The following SMPD3 variants were observed in gnomAD, a reference collection of about 807,000 sequenced individuals.
SMPD3 encodes the protein sphingomyelin phosphodiesterase 3.
A neutral mutation model predicts 55.7 loss-of-function variants in SMPD3; 21 were observed. The ratio of observed to expected loss-of-function variants is 0.38; its 90% CI spans 0.27 to 0.54. The LOEUF (loss-of-function observed/expected upper bound fraction) is 0.54. SMPD3 is among the 20% of genes least tolerant of loss of function. SMPD3 has a pLI of 0.80. For synonymous variants in SMPD3, 457 were observed against 404.3 expected, an observed-to-expected ratio of 1.13 and a Z score of -1.56; for missense variants, 842 against 899.6, an observed-to-expected ratio of 0.94 and a Z score of 0.82.
At position 68,361,606 on chromosome 16, in the gene SMPD3, C is replaced by T. The variant is rs1395038808; in HGVS notation, c.1863G>A (p.Lys621=). Residue 621 remains lysine, a synonymous_variant, in exon 8 of 9, where the codon AAG becomes AAA. Transcript: ENST00000219334. ...CTGCTGGGCCCTCCTGACTCACGGC[C>T]TTCCAGTCTGGGCACAGCCCCTCCT... is the stretch of plus-strand genomic sequence containing the variant. ...HAEEGLCPDW[K]AEVEEFSFIT... is the part of the protein sequence containing the mutation. The T allele has an allele frequency of 1.2e-6, 2 of 1,607,526 alleles. No homozygotes were observed. Among genetic ancestry groups the T allele is most frequent in the African/African-American group, 1.3e-5 (1 of 74,938 alleles).
chr16:68,423,582 T>C (rs1409543059), intron 1 of SMPD3, among the ~76,000 whole-genome samples: 2 of 152,176 alleles, frequency 1.3e-5, no homozygotes, highest in African/African-American at 4.8e-5. Flanking sequence ...AAGAAATACA[T>C]TTCTTGTCTT....
In SMPD3 at chr16:68,371,991, G is replaced by C. The variant is rs141462179; in HGVS notation, c.191C>G (p.Thr64Arg). 6.2e-7 allele frequency: 1 copy of C among 1,611,862 alleles called. No individual in the cohort carries two copies. The highest frequency in any genetic ancestry group is 8.5e-7 in the Non-Finnish European group (1 of 1,179,410). Reference sequence around the variant, plus strand: ...CACCAGGAGGGCCAGGTAGATGGGCGTGAAGAGGGCAGTGCAGAGCAGCTG... The same window carrying C: ...CACCAGGAGGGCCAGGTAGATGGGCCTGAAGAGGGCAGTGCAGAGCAGCTG... The part of the protein sequence containing the change: ...CLQLLCTALF[T>R]PIYLALLVAS... Residue 64 changes from threonine (T) to arginine (R), a missense_variant, in exon 3 of 9, where the codon ACG becomes AGG. Coordinates refer to ENST00000219334, the MANE Select transcript of SMPD3 (RefSeq NM_018667.4).
In SMPD3 at chr16:68,447,990, C is replaced by T. The variant is rs2090623587; in HGVS notation, c.-269+363G>A. The stretch of plus-strand genomic sequence containing the variant: ...AGTGTTGCGGGGAGGGGTCCCCCTG[C>T]CTCGAGTCCCTTCATCCCACAACAC... On this transcript the variant is annotated intron_variant, in intron 1 of 8. Coordinates refer to ENST00000219334, the MANE Select transcript of SMPD3 (RefSeq NM_018667.4). This position sits in a 1 kb window ranked among gnomAD's most constrained non-coding sequence, Gnocchi z 5.1. Among the ~76,000 whole-genome samples the T allele has an allele frequency of 1.3e-5, 2 of 152,172 alleles. No homozygotes were observed. The highest frequency in any genetic ancestry group is 4.1e-4 in the South Asian group (2 of 4,826).
chr16:68,395,832 T>A (rs1323530667), intron 1 of SMPD3, among the ~76,000 whole-genome samples: 2 of 152,250 alleles, frequency 1.3e-5, no homozygotes, highest in African/African-American at 2.4e-5. Context: ...CTCTTTTTTT[T>A]AAATTAAAAA....
intron 2 of SMPD3, among the ~76,000 whole-genome samples, chr16:68,385,428 C>T (rs965516956): frequency 9.2e-5 from 14 of 152,180 alleles, no homozygotes; most frequent in African/African-American, 1.4e-4. Flanking sequence ...AAGACCTTTG[C>T]CTCTTTTTTC....
At chr16:68,364,510 G>C (rs1484609787) in intron 5 of SMPD3, 1 of 518,222 alleles carries the variant, frequency 1.9e-6, no homozygotes, top group Non-Finnish European at 3.4e-6. Flanking sequence ...GAGGCCCCCA[G>C]CCTTCCTTGT....
At chr16:68,406,052 G>A (rs756460090) in intron 1 of SMPD3, among the ~76,000 whole-genome samples, 1 of 152,144 alleles carries the variant, frequency 6.6e-6, no homozygotes, top group Non-Finnish European at 1.5e-5. Flanking sequence ...ACAGCAGGGC[G>A]GGCAGTTGAA....
chr16:68,412,709 G>A (rs1052125853), intron 1 of SMPD3, among the ~76,000 whole-genome samples: 5 of 152,208 alleles, frequency 3.3e-5, no homozygotes, highest in East Asian at 1.9e-4. Context: ...AGCCTGGAAA[G>A]CCTGCCAATT....
At chr16:68,363,676 C>T (rs2089386202) in intron 6 of SMPD3, 101 bp downstream of exon 6, 2 of 1,448,536 alleles carry the variant, frequency 1.4e-6, no homozygotes, top group East Asian at 2.3e-5. Flanking sequence ...TGAATGGGGC[C>T]CTTCCCCAGC....
At chr16:68,398,769 T>G (rs772595255) in intron 1 of SMPD3, among the ~76,000 whole-genome samples, 2 of 152,214 alleles carry the variant, frequency 1.3e-5, no homozygotes, top group African/African-American at 4.8e-5. Context: ...AAAAGCCACC[T>G]AGGAATGAGA....
intron 2 of SMPD3, chr16:68,382,037 A>G (rs1262490406): frequency 6.6e-6 from 1 of 152,234 alleles, no homozygotes; most frequent in Non-Finnish European, 1.5e-5. Context: ...AAAAAAGTCC[A>G]TTCCTACCTG....
At chr16:68,383,792 C>A (rs138722682) in intron 2 of SMPD3, among the ~76,000 whole-genome samples, 29 of 152,320 alleles carry the variant, frequency 1.9e-4, no homozygotes, top group South Asian at 1.9e-3. Context: ...TCCTCCTCCC[C>A]CCACTTCCCC....
At chr16:68,409,235 C>T (rs994905880) in intron 1 of SMPD3, among the ~76,000 whole-genome samples, 1 of 152,226 alleles carries the variant, frequency 6.6e-6, no homozygotes, top group African/African-American at 2.4e-5. Flanking sequence ...AAACCTTGCC[C>T]GGAGGGCTCA....
At chr16:68,386,244 T>C (rs548444467) in intron 2 of SMPD3, among the ~76,000 whole-genome samples, 116 of 152,214 alleles carry the variant, frequency 7.6e-4, no homozygotes, top group Non-Finnish European at 1.4e-3. Context: ...TTTGATAGTT[T>C]AGTGGGCAGT....
At chr16:68,365,964 G>T (rs1200191939) in intron 3 of SMPD3, among the ~76,000 whole-genome samples, 1 of 152,202 alleles carries the variant, frequency 6.6e-6, no homozygotes, top group East Asian at 1.9e-4. Context: ...CCACAGAGAT[G>T]CCCTGCACAG....
chr16:68,421,158 G>A (rs200569098), intron 1 of SMPD3, among the ~76,000 whole-genome samples: 379 of 152,222 alleles, frequency 2.5e-3, no homozygotes, highest in Middle Eastern at 0.01. Context: ...CCAGCATGTC[G>A]GCACCAACTG....
intron 6 of SMPD3, 100 bp from the exon 7 acceptor site, chr16:68,363,659 G>A (rs1158235479): frequency 1.4e-6 from 2 of 1,454,666 alleles, no homozygotes; most frequent in Non-Finnish European, 1.9e-6. Context: ...TGCTAGCCAG[G>A]GGCAGCTGAA....
In SMPD3 at chr16:68,363,509, C is replaced by T. The variant is rs1254545318; in HGVS notation, c.1696G>A (p.Asp566Asn). Reference sequence around the variant, plus strand: ...CGCAGTGCTTACTTCTGCAGGTTGTCGGGGGTGCACACATCCTCATCGTAC... The same window carrying T: ...CGCAGTGCTTACTTCTGCAGGTTGTTGGGGGTGCACACATCCTCATCGTAC... ...GLYDEDVCTP[D>N]NLQKVLESEE... The change falls in exon 7 of 9, where the codon GAC becomes AAC. Residue 566 changes from aspartate to asparagine, a missense_variant. Physicochemically the swap from Asp to Asn is conservative, Grantham distance 23 (BLOSUM62 1). Coordinates refer to ENST00000219334, the MANE Select transcript of SMPD3 (RefSeq NM_018667.4). 6 of 1,613,994 alleles carry T rather than the reference C, an allele frequency of 3.7e-6. No homozygotes were observed. Among genetic ancestry groups the T allele is most frequent in the East Asian group, 2.2e-5 (1 of 44,884 alleles).
chr16:68,425,840 G>A (rs1255776099), intron 1 of SMPD3, among the ~76,000 whole-genome samples: 2 of 152,124 alleles, frequency 1.3e-5, no homozygotes, highest in Non-Finnish European at 2.9e-5. Context: ...CCACCCAGAA[G>A]GAACAACACC....
Sources: gnomAD v4.1 joint callset for allele counts (sites outside exome capture counted in the v4.1 genomes callset) on GRCh38, gnomAD v4.1.1 for gene constraint, Gnocchi (gnomAD v3.1) non-coding constraint, MANE v1.5 for transcripts, NCBI Gene and HGNC (gene_info 2026-07-23, HGNC 2026-07-21) for gene names.